AKR1C8: variants seen among roughly 807,000 people sequenced by gnomAD.
AKR1C8 encodes the protein aldo-keto reductase family 1 member C8, also known as aldo-keto reductase family 1 member C-like protein 1.
the AKR1C8 span, among the ~76,000 whole-genome samples, chr10:5,129,075 A>G: frequency 1.3e-5 from 2 of 152,140 alleles, no homozygotes; most frequent in East Asian, 3.8e-4. Context: ...AATTACATCA[A>G]GTATCTTCTC....
At chr10:5,181,478 C>T in the AKR1C8 span, among the ~76,000 whole-genome samples, 1 of 152,006 alleles carries the variant, frequency 6.6e-6, no homozygotes, top group African/African-American at 2.4e-5. Context: ...GACAGGCTTC[C>T]CAAAATTAAA....
chr10:5,145,265 C>T, the AKR1C8 span, among the ~76,000 whole-genome samples: 1 of 152,080 alleles, frequency 6.6e-6, no homozygotes, highest in South Asian at 2.1e-4. Flanking sequence ...CTAGGCAATA[C>T]CATTCAGGAC....
chr10:5,122,366 T>G, the AKR1C8 span, among the ~76,000 whole-genome samples: 5 of 152,196 alleles, frequency 3.3e-5, no homozygotes, highest in Non-Finnish European at 7.4e-5. Flanking sequence ...TCTTCTATTC[T>G]GCACCACTTC....
At chr10:5,127,265 A>C in the AKR1C8 span, among the ~76,000 whole-genome samples, 1 of 152,186 alleles carries the variant, frequency 6.6e-6, no homozygotes, top group Non-Finnish European at 1.5e-5. Context: ...AGAGAGATAG[A>C]TATCACAAAG....
the AKR1C8 span, among the ~76,000 whole-genome samples, chr10:5,140,001 C>G: frequency 6.6e-6 from 1 of 152,144 alleles, no homozygotes; most frequent in Non-Finnish European, 1.5e-5. Context: ...TGAATAGACA[C>G]TTCTCAAAAG....
At chr10:5,119,765 T>C in the AKR1C8 span, among the ~76,000 whole-genome samples, 2 of 152,198 alleles carry the variant, frequency 1.3e-5, no homozygotes, top group African/African-American at 4.8e-5. Context: ...TCATGGTCAA[T>C]ATTCTTCAGA....
the AKR1C8 span, chr10:5,157,792 G>T: frequency 2.1e-6 from 1 of 470,640 alleles, no homozygotes; most frequent in Non-Finnish European, 4.4e-6. Flanking sequence ...TGGGCAGTCG[G>T]GATCCACCCT....
At chr10:5,163,158 T>A in the AKR1C8 span, 1 of 372,330 alleles carries the variant, frequency 2.7e-6, no homozygotes, top group East Asian at 6.1e-5. Flanking sequence ...GTGACAGACC[T>A]GTACTCTGAG....
At chr10:5,171,149 T>A in the AKR1C8 span, among the ~76,000 whole-genome samples, 1 of 152,154 alleles carries the variant, frequency 6.6e-6, no homozygotes, top group Admixed American at 6.6e-5. Context: ...TTTTCCTCTA[T>A]TTTGATGTTA....
At chr10:5,145,793 T>C in the AKR1C8 span, among the ~76,000 whole-genome samples, 3 of 152,174 alleles carry the variant, frequency 2.0e-5, no homozygotes, top group African/African-American at 7.2e-5. Context: ...AGTGTGGCGA[T>C]TCCTCAGGGA....
the AKR1C8 span, among the ~76,000 whole-genome samples, chr10:5,140,961 C>T: frequency 5.1e-4 from 77 of 152,120 alleles, 2 homozygotes; most frequent in Non-Finnish European, 6.9e-4. Context: ...ATGAAATTTG[C>T]CTCATTGATA....
chr10:5,176,684 G>T, the AKR1C8 span, among the ~76,000 whole-genome samples: 1 of 152,010 alleles, frequency 6.6e-6, no homozygotes, highest in Non-Finnish European at 1.5e-5. Flanking sequence ...TCCTTGAAGA[G>T]GTCCTTCACA....
the AKR1C8 span, among the ~76,000 whole-genome samples, chr10:5,122,781 T>C: frequency 6.6e-6 from 1 of 152,128 alleles, no homozygotes; most frequent in Non-Finnish European, 1.5e-5. Context: ...AGGAAATGCT[T>C]TTTCTGGGGC....
chr10:5,144,597 G>C, the AKR1C8 span, among the ~76,000 whole-genome samples: 2 of 151,754 alleles, frequency 1.3e-5, no homozygotes, highest in East Asian at 1.9e-4. Context: ...CACATCCCTT[G>C]TAAGTTGGAT....
chr10:5,141,961 G>A, the AKR1C8 span, among the ~76,000 whole-genome samples: 1 of 152,166 alleles, frequency 6.6e-6, no homozygotes, highest in African/African-American at 2.4e-5. Context: ...AAATATGAAA[G>A]TCCTAGATGG....
At chr10:5,126,976 A>T in the AKR1C8 span, among the ~76,000 whole-genome samples, 5 of 152,042 alleles carry the variant, frequency 3.3e-5, no homozygotes, top group Admixed American at 2.0e-4. Context: ...CAAGTAGAAG[A>T]AGTAGTCTAT....
chr10:5,176,575 G>A, the AKR1C8 span, among the ~76,000 whole-genome samples: 18,558 of 149,844 alleles, frequency 0.12, 1,320 homozygotes, highest in Admixed American at 0.17. Context: ...GGGCAGTATG[G>A]CCATTTTCAC....
chr10:5,170,591 C>T, the AKR1C8 span, among the ~76,000 whole-genome samples: 97 of 152,122 alleles, frequency 6.4e-4, 1 homozygote, highest in South Asian at 0.02. Context: ...TCTTTGAGGT[C>T]CCAAGATAAC....
chr10:5,151,588 G>A, the AKR1C8 span, among the ~76,000 whole-genome samples: 3 of 117,468 alleles, frequency 2.6e-5, no homozygotes, highest in Non-Finnish European at 5.1e-5. Context: ...ACACAGTCTT[G>A]TTCTGTCACC....
Sources: gnomAD v4.1 joint callset for allele counts (sites outside exome capture counted in the v4.1 genomes callset) on GRCh38, gnomAD v4.1.1 for gene constraint, MANE v1.5 for transcripts, NCBI Gene and HGNC (gene_info 2026-07-23, HGNC 2026-07-21) for gene names.